Variants in BSPH1 observed in about 807,000 individuals in gnomAD.
BSPH1 encodes the protein binder of sperm 1.
In BSPH1, 21 loss-of-function variants were observed where a neutral mutation model predicts 22.5. The ratio of observed to expected loss-of-function variants is 0.93; its 90% CI spans 0.66 to 1.35. The LOEUF is 1.35. Ranked by LOEUF, BSPH1 falls within the 40% of genes most tolerant of loss-of-function variation. BSPH1 has a pLI of 0.00. For synonymous variants in BSPH1, 42 were observed against 53.6 expected (o/e 0.78, Z 0.95); for missense variants, 141 against 154.2 (o/e 0.91, Z 0.45).
intron 1 of BSPH1, among the ~76,000 whole-genome samples, chr19:47,985,456 T>C (rs971093789): frequency 1.3e-5 from 2 of 151,868 alleles, no homozygotes; most frequent in African/African-American, 4.8e-5. Context: ...CAAACAAACA[T>C]TGAGGGAATT....
chr19:47,970,566 G>A (rs191356402), intron 5 of BSPH1, among the ~76,000 whole-genome samples: 18 of 152,260 alleles, frequency 1.2e-4, no homozygotes, highest in African/African-American at 3.4e-4. Flanking sequence ...GCTGTGTCCC[G>A]ATGAGATTTG....
intron 1 of BSPH1, among the ~76,000 whole-genome samples, chr19:47,989,134 A>C (rs1219527740): frequency 6.8e-6 from 1 of 146,262 alleles, no homozygotes; most frequent in Non-Finnish European, 1.5e-5. Flanking sequence ...TATTATTATT[A>C]TTATTATTAT....
chr19:47,992,061 G>A lies in BSPH1; in HGVS notation c.21C>T (p.Leu7=). The A allele has an allele frequency of 6.4e-7, 1 of 1,551,450 alleles. No individual in the cohort carries two copies. The highest frequency in any genetic ancestry group is 8.7e-7 in the Non-Finnish European group (1 of 1,146,752). The change falls in exon 1 of 6, where the codon CTC becomes CTT. Residue 7 remains leucine, a synonymous_variant. Coordinates refer to ENST00000344839, the MANE Select transcript of BSPH1 (RefSeq NM_001128326.2). The stretch of plus-strand genomic sequence containing the variant: ...AGGAATTTCGCGTCGTTTCCACGAA[G>A]AGAAGCATCAGGGAGCCCATGGGCA... MGSLML[L]FVETTRNSSA...
chr19:47,972,999 C>T (rs1013779561), intron 5 of BSPH1, among the ~76,000 whole-genome samples: 22 of 151,664 alleles, frequency 1.5e-4, no homozygotes, highest in South Asian at 1.0e-3. Flanking sequence ...GGGTGGATCA[C>T]GAGGTCAGGA....
intron 5 of BSPH1, among the ~76,000 whole-genome samples, chr19:47,975,747 C>T (rs567744171): frequency 1.3e-5 from 2 of 151,626 alleles, no homozygotes; most frequent in South Asian, 2.1e-4. Flanking sequence ...GCTCCGCCTC[C>T]CGTGTTCACG....
chr19:47,986,015 A>G (rs1969467134), intron 1 of BSPH1, among the ~76,000 whole-genome samples: 3 of 152,142 alleles, frequency 2.0e-5, no homozygotes, highest in African/African-American at 7.2e-5. Flanking sequence ...GATATAGTTT[A>G]TCAGACTTTA....
chr19:47,970,849 G>T (rs1427975251), intron 5 of BSPH1, among the ~76,000 whole-genome samples: 2 of 152,170 alleles, frequency 1.3e-5, no homozygotes, highest in Non-Finnish European at 2.9e-5. Context: ...ATGAGAAGAG[G>T]ATGGCTCAGG....
intron 5 of BSPH1, among the ~76,000 whole-genome samples, chr19:47,969,724 A>AGAGG (rs1568394481): frequency 2.3e-5 from 3 of 129,478 alleles, no homozygotes; most frequent in Admixed American, 8.1e-5. Flanking sequence ...AGAGAGAGAG[A>AGAGG]GACTTTAGAA....
At position 47,976,860 on chromosome 19, in the gene BSPH1, G is replaced by A; in HGVS notation, c.257-6C>T. 1 of 1,550,792 alleles carries A rather than the reference G, an allele frequency of 6.4e-7. No homozygotes were observed. Among genetic ancestry groups the A allele is most frequent in the Non-Finnish European group, 8.7e-7 (1 of 1,146,708 alleles). On this transcript the variant is annotated splice_region_variant and splice_polypyrimidine_tract_variant and intron_variant, in intron 4 of 5. Coordinates refer to ENST00000344839, the MANE Select transcript of BSPH1 (RefSeq NM_001128326.2). The stretch of plus-strand genomic sequence containing the variant: ...AAATACACAGTTTGCAAAATCTGCA[G>A]AGGAGGAAGAGGAAGAAGCAGAGTA...
At chr19:47,988,669 G>A (rs1724154532) in intron 1 of BSPH1, among the ~76,000 whole-genome samples, 1 of 152,102 alleles carries the variant, frequency 6.6e-6, no homozygotes, top group African/African-American at 2.4e-5. Flanking sequence ...ACGATCGGTT[G>A]GTGGGCAGTC....
intron 1 of BSPH1, among the ~76,000 whole-genome samples, chr19:47,984,209 A>T (rs1299071526): frequency 1.4e-5 from 2 of 147,156 alleles, no homozygotes; most frequent in Non-Finnish European, 3.0e-5. Flanking sequence ...TGTATATTAT[A>T]CATAAAATAT....
At chr19:47,972,151 A>T (rs1278225575) in intron 5 of BSPH1, among the ~76,000 whole-genome samples, 1 of 152,216 alleles carries the variant, frequency 6.6e-6, no homozygotes, top group African/African-American at 2.4e-5. Context: ...AACATGTGTA[A>T]ACGGTGAGTG....
intron 3 of BSPH1, 65 bp from the exon 4 acceptor site, chr19:47,977,569 T>C (rs1423973368): frequency 1.3e-6 from 2 of 1,530,904 alleles, no homozygotes; most frequent in Non-Finnish European, 1.8e-6. Flanking sequence ...CAAGCGACTG[T>C]CTTCCTAGGC....
chr19:47,974,464 T>C (rs1019019792), intron 5 of BSPH1, among the ~76,000 whole-genome samples: 1 of 151,928 alleles, frequency 6.6e-6, no homozygotes, highest in African/African-American at 2.4e-5. Flanking sequence ...GAGACAGGGT[T>C]TCGCCGTGTT....
intron 3 of BSPH1, among the ~76,000 whole-genome samples, chr19:47,978,260 A>C (rs1186443691): frequency 2.6e-5 from 4 of 151,874 alleles, no homozygotes; most frequent in Non-Finnish European, 5.9e-5. Context: ...GCGTGCTACC[A>C]TGCCCAGTTA....
At chr19:47,975,150 G>A (rs930024218) in intron 5 of BSPH1, among the ~76,000 whole-genome samples, 1 of 151,710 alleles carries the variant, frequency 6.6e-6, no homozygotes, top group African/African-American at 2.4e-5. Context: ...TTTTTCTCTG[G>A]GCCTTCTATC....
At chr19:47,972,367 G>A (rs775970312) in intron 5 of BSPH1, among the ~76,000 whole-genome samples, 1 of 151,128 alleles carries the variant, frequency 6.6e-6, no homozygotes, top group Non-Finnish European at 1.5e-5. Context: ...GGGCTTTGGC[G>A]CACATATTAT....
chr19:47,981,282 C>T (rs1369791563), intron 1 of BSPH1, among the ~76,000 whole-genome samples: 1 of 152,070 alleles, frequency 6.6e-6, no homozygotes, highest in African/African-American at 2.4e-5. Context: ...GTTTTTATTT[C>T]TGTCACCACT....
chr19:47,983,673 T>A (rs182058499), intron 1 of BSPH1, among the ~76,000 whole-genome samples: 80 of 152,228 alleles, frequency 5.3e-4, no homozygotes, highest in African/African-American at 1.9e-3. Flanking sequence ...GTTGGGATGT[T>A]ATGTTTCAAA....
Sources: gnomAD v4.1 joint callset for allele counts (sites outside exome capture counted in the v4.1 genomes callset) on GRCh38, gnomAD v4.1.1 for gene constraint, MANE v1.5 for transcripts, NCBI Gene and HGNC (gene_info 2026-07-23, HGNC 2026-07-21) for gene names.